NRXN2: variants seen among roughly 807,000 people sequenced by gnomAD.
NRXN2 encodes the protein neurexin-2-beta.
In NRXN2, 29 loss-of-function variants were observed where a neutral mutation model predicts 128.8. The ratio of observed to expected loss-of-function variants is 0.23; its 90% CI spans 0.17 to 0.31. NRXN2 has a LOEUF of 0.31. Ranked by LOEUF, NRXN2 falls within the 10% of genes least tolerant of loss-of-function variation. NRXN2 has a pLI of 1.00. For missense variants in NRXN2, 1,881 were observed against 2,452.6 expected (o/e 0.77, Z 4.92); for synonymous variants, 1,098 against 1,075.2 (o/e 1.02, Z -0.41).
chr11:64,629,181 G>A (rs959094032), intron 19 of NRXN2, among the ~76,000 whole-genome samples: 1 of 152,188 alleles, frequency 6.6e-6, no homozygotes, highest in Non-Finnish European at 1.5e-5. Flanking sequence ...CCTCAGCCTG[G>A]CTATCTCTCC....
chr11:64,620,642 G>A lies in NRXN2; in HGVS notation c.4174-270C>T, dbSNP rs79485768. 6.2e-3 allele frequency among the ~76,000 whole-genome samples: 941 copies of A among 150,806 alleles called. 4 individuals carry two copies. The highest frequency in any genetic ancestry group is 9.4e-3 in the Non-Finnish European group (637 of 67,730). On this transcript the variant is annotated intron_variant, in intron 21 of 22. Transcript: ENST00000265459. ...GCACACATGGTGCTTTTTATTTCTC[G>A]GAAGTGAGGAGAGTGGACGCCAGAC...
In NRXN2 at chr11:64,720,754, A is replaced by G. The variant is rs566229710; in HGVS notation, c.-245+2217T>C. On this transcript the variant is annotated intron_variant, in intron 1 of 22. Coordinates refer to ENST00000265459, the MANE Select transcript of NRXN2 (RefSeq NM_015080.4). ...GCACCCAGACAGACATGCACATGGT[A>G]CTTCAGGATGAGCTTGCTGGGGGGC... Among the ~76,000 whole-genome samples the G allele has an allele frequency of 1.5e-3, 225 of 152,274 alleles. 1 individual carries two copies. Among genetic ancestry groups the G allele is most frequent in the African/African-American group, 5.1e-3 (214 of 41,562 alleles).
intron 7 of NRXN2, among the ~76,000 whole-genome samples, chr11:64,673,156 T>A (rs2050845824): frequency 6.6e-6 from 1 of 152,160 alleles, no homozygotes; most frequent in Admixed American, 6.5e-5. Flanking sequence ...CTGGAAACAA[T>A]CTCTGCCTGC....
At chr11:64,688,925 T>A (rs2053459512) in intron 5 of NRXN2, 3 of 461,642 alleles carry the variant, frequency 6.5e-6, no homozygotes, top group African/African-American at 6.3e-5. Flanking sequence ...TGGCACTTAC[T>A]GCCTAATAAC....
rs750608494 is a variant in NRXN2 at position 64,607,322 on chromosome 11, G to A, written c.5013C>T (p.Asp1671=). The change falls in exon 23 of 23, where the codon GAC becomes GAT. Residue 1671 remains aspartate, a synonymous_variant. Transcript: ENST00000265459. ...RNRDEGSYQV[D]QSRNYISNSA... The stretch of plus-strand genomic sequence containing the variant: ...AGTTACTGATGTAGTTTCGGCTCTG[G>A]TCCACCTGGTAGGAGCCCTCATCAC... The A allele has an allele frequency of 1.2e-6, 2 of 1,614,050 alleles. No individual in the cohort carries two copies. The highest frequency in any genetic ancestry group is 1.7e-5 in the Admixed American group (1 of 60,020).
At chr11:64,610,665 G>A (rs2040479988) in intron 22 of NRXN2, among the ~76,000 whole-genome samples, 1 of 152,162 alleles carries the variant, frequency 6.6e-6, no homozygotes. Context: ...TGGCTCTTGT[G>A]GGACCTCTAG....
rs1437344497 is a variant in NRXN2 at position 64,723,123 on chromosome 11, G to A, written c.-397C>T. 1 of 28,426 alleles carries A rather than the reference G, an allele frequency of 3.5e-5. No homozygotes were observed. Among genetic ancestry groups the A allele is most frequent in the Admixed American group, 2.7e-4 (1 of 3,724 alleles). 1.8% of individuals were successfully genotyped at this position (28,426 alleles called of 1,614,324 possible). On this transcript the variant is annotated 5_prime_UTR_variant, in exon 1 of 23. Coordinates refer to ENST00000265459, the MANE Select transcript of NRXN2 (RefSeq NM_015080.4). ...TCCCCGCCCGCCCGCCCGCCCCGCC[G>A]CGGTGCCTCTCCGAGGAGGATGCTC...
chr11:64,716,445 C>T (rs1469140890), intron 1 of NRXN2, among the ~76,000 whole-genome samples: 1 of 152,250 alleles, frequency 6.6e-6, no homozygotes, highest in Non-Finnish European at 1.5e-5. Flanking sequence ...GGAAGGCAGA[C>T]GCCTGGGTCC....
chr11:64,685,255 C>T (rs982183602), intron 6 of NRXN2, among the ~76,000 whole-genome samples: 1 of 152,180 alleles, frequency 6.6e-6, no homozygotes, highest in African/African-American at 2.4e-5. Context: ...CCCCTCCCCA[C>T]CCCCTGGCAC....
At chr11:64,687,169 G>T (rs2053175524) in intron 5 of NRXN2, among the ~76,000 whole-genome samples, 1 of 152,220 alleles carries the variant, frequency 6.6e-6, no homozygotes, top group Non-Finnish European at 1.5e-5. Context: ...CCAAATGCAG[G>T]AATTCTCAAT....
chr11:64,625,501 C>T (rs1464949505), intron 20 of NRXN2, among the ~76,000 whole-genome samples: 1 of 152,190 alleles, frequency 6.6e-6, no homozygotes, highest in Non-Finnish European at 1.5e-5. Context: ...TTAGGCCCCA[C>T]AGGCATGGGG....
intron 2 of NRXN2, among the ~76,000 whole-genome samples, chr11:64,710,708 G>C (rs1399773798): frequency 2.6e-5 from 4 of 152,176 alleles, no homozygotes; most frequent in African/African-American, 9.7e-5. Flanking sequence ...GAGTCCTCAT[G>C]CAATCCGGCT....
At chr11:64,641,089 C>A (rs889440411) in intron 17 of NRXN2, among the ~76,000 whole-genome samples, 1 of 151,720 alleles carries the variant, frequency 6.6e-6, no homozygotes, top group Non-Finnish European at 1.5e-5. Flanking sequence ...GAAGGCACAG[C>A]GATGAGAGGG....
chr11:64,652,026 A>T lies in NRXN2; in HGVS notation c.2536+9T>A. 1 of 1,610,788 alleles carries T rather than the reference A, an allele frequency of 6.2e-7. No individual in the cohort carries two copies. The highest frequency in any genetic ancestry group is 8.5e-7 in the Non-Finnish European group (1 of 1,179,936). On this transcript the variant is annotated intron_variant, in intron 13 of 22. Transcript: ENST00000265459. Reference sequence around the variant, plus strand: ...GATGTGTCCACCTCCCTGGGCCCAGACCACCTACCCTCCACAGTCACGTTG... The same window carrying T: ...GATGTGTCCACCTCCCTGGGCCCAGTCCACCTACCCTCCACAGTCACGTTG...
At chr11:64,650,855 C>G (rs771281599) in intron 14 of NRXN2, among the ~76,000 whole-genome samples, 1 of 152,212 alleles carries the variant, frequency 6.6e-6, no homozygotes, top group East Asian at 1.9e-4. Flanking sequence ...ACCAAGGAGC[C>G]GGCTCTTGTG....
intron 21 of NRXN2, among the ~76,000 whole-genome samples, chr11:64,621,985 A>C (rs1163415823): frequency 6.6e-6 from 1 of 151,908 alleles, no homozygotes; most frequent in African/African-American, 2.4e-5. Flanking sequence ...CATGTGCTTC[A>C]AGGCCCCTCC....
Position 64,660,975 on chromosome 11 carries a change from C to G in NRXN2, c.1963G>C (p.Val655Leu), listed in dbSNP as rs764854618. 4 of 1,613,790 alleles carry G rather than the reference C, an allele frequency of 2.5e-6. No individual in the cohort carries two copies. The East Asian group carries it at 6.7e-5, about 27-fold the overall frequency. ...VWTAALRAGY[V>L]GCVRDLFIDG... is the part of the protein sequence containing the mutation. ...ATGAAGAGGTCCCGCACACAGCCCA[C>G]GTAGCCTGCCCGGAGTGCTGCTGTC... is the stretch of plus-strand genomic sequence containing the variant. Residue 655 changes from valine (V) to leucine (L), a missense_variant, in exon 10 of 23, where the codon GTG (valine) becomes CTG (leucine). By Grantham distance (32) the Val-to-Leu change is conservative. Coordinates refer to ENST00000265459, the MANE Select transcript of NRXN2 (RefSeq NM_015080.4). This position sits in a 1 kb window ranked among gnomAD's most constrained non-coding sequence, Gnocchi z 5.2.
rs2043641977 is a variant in NRXN2, at chr11:64,630,048, A to G, written c.3757+354T>C. Among the ~76,000 whole-genome samples, 1 of 151,322 alleles carries G rather than the reference A, an allele frequency of 6.6e-6. No homozygotes were observed. The highest frequency in any genetic ancestry group is 1.5e-5 in the Non-Finnish European group (1 of 67,822). On this transcript the variant is annotated intron_variant, in intron 19 of 22. Coordinates refer to ENST00000265459, the MANE Select transcript of NRXN2 (RefSeq NM_015080.4). This position sits in a 1 kb window ranked among gnomAD's most constrained non-coding sequence, Gnocchi z 4.6. ...TCTGTCTCCCTCATTTCTGAACTCA[A>G]CCTTTCCGCAATCGCATCAGATTCT...
intron 6 of NRXN2, among the ~76,000 whole-genome samples, chr11:64,681,069 C>A (rs1348312734): frequency 1.4e-5 from 2 of 146,174 alleles, no homozygotes; most frequent in African/African-American, 5.1e-5. Flanking sequence ...TGCACTCCAA[C>A]CTGAGAGACA....
Sources: allele counts gnomAD v4.1 joint callset (sites outside exome capture counted in the v4.1 genomes callset), GRCh38; gene constraint gnomAD v4.1.1; non-coding constraint Gnocchi (gnomAD v3.1); transcripts MANE v1.5; gene names NCBI Gene and HGNC (gene_info 2026-07-23, HGNC 2026-07-21).